The following ESRRG variants were observed in gnomAD, a reference collection of about 807,000 sequenced individuals.
ESRRG encodes the protein estrogen related receptor gamma.
In ESRRG, 13 loss-of-function variants were observed where a neutral mutation model predicts 44.0. The observed-to-expected ratio is 0.30, with a 90% CI of 0.19 to 0.47. ESRRG has a LOEUF of 0.47. Ranked by LOEUF, ESRRG falls within the 20% of genes least tolerant of loss-of-function variation. The probability of loss-of-function intolerance (pLI) is 1.00; values close to 1 mark genes in which losing one functional copy is unlikely to be tolerated. For missense variants in ESRRG, 395 were observed against 580.6 expected, an observed-to-expected ratio of 0.68 and a Z score of 3.29; for synonymous variants, 215 against 214.6, an observed-to-expected ratio of 1.00 and a Z score of -0.02.
In ESRRG at chr1:216,941,157, G is replaced by A. The variant is rs75956667; in HGVS notation, c.-105-1484C>T. Among the ~76,000 whole-genome samples, 913 of 152,236 alleles carry A rather than the reference G, an allele frequency of 6.0e-3. 13 individuals carry two copies. The highest frequency in any genetic ancestry group is 0.021 in the African/African-American group (861 of 41,548). ...TCTAGGATTGTGAAGATAAGAGCCTGTTAAAAAGCTGTAATTTATATAAGT... is the reference window on the plus strand; with the variant it reads ...TCTAGGATTGTGAAGATAAGAGCCTATTAAAAAGCTGTAATTTATATAAGT... On this transcript the variant is annotated intron_variant, in intron 1 of 7. Transcript: ENST00000359162.
At chr1:216,684,957 T>G (rs2151624347) in intron 1 of ESRRG, among the ~76,000 whole-genome samples, 1 of 152,282 alleles carries the variant, frequency 6.6e-6, no homozygotes, top group African/African-American at 2.4e-5. Flanking sequence ...CGCCAATGGA[T>G]CCGAAGAGAG....
chr1:216,966,063 A>G (rs932867307), intron 1 of ESRRG, among the ~76,000 whole-genome samples: 1 of 152,212 alleles, frequency 6.6e-6, no homozygotes, highest in South Asian at 2.1e-4. Context: ...AAAAAGGATC[A>G]TGAAGGTACA....
chr1:216,662,085 C>A (rs2072605465), intron 2 of ESRRG, among the ~76,000 whole-genome samples: 1 of 152,088 alleles, frequency 6.6e-6, no homozygotes, highest in Non-Finnish European at 1.5e-5. Context: ...AGATGCTTAG[C>A]AGAGTTCCTG....
intron 1 of ESRRG, among the ~76,000 whole-genome samples, chr1:217,107,461 G>A (rs1205833065): frequency 6.6e-6 from 1 of 152,194 alleles, no homozygotes; most frequent in African/African-American, 2.4e-5. Flanking sequence ...TTTTTACTTG[G>A]AAGCTAAAAC....
intron 2 of ESRRG, among the ~76,000 whole-genome samples, chr1:216,668,864 T>TA (rs1202805697): frequency 6.6e-6 from 1 of 152,080 alleles, no homozygotes; most frequent in Non-Finnish European, 1.5e-5. Context: ...AATAATAGAC[T>TA]AAAAAAAGTC....
At chr1:216,709,335 G>A (rs569499425) in intron 1 of ESRRG, among the ~76,000 whole-genome samples, 106 of 72,018 alleles carry the variant, frequency 1.5e-3, no homozygotes, top group African/African-American at 5.4e-3. Context: ...GTGTATGTGT[G>A]TGTGTGTGTA....
At chr1:217,137,327 G>A (rs2093063091) in intron 1 of ESRRG, among the ~76,000 whole-genome samples, 1 of 152,214 alleles carries the variant, frequency 6.6e-6, no homozygotes, top group Admixed American at 6.5e-5. Flanking sequence ...AAACGCAAAA[G>A]TTACTCTGTC....
intron 1 of ESRRG, among the ~76,000 whole-genome samples, chr1:217,042,737 A>T (rs530487429): frequency 3.4e-5 from 5 of 148,858 alleles, no homozygotes; most frequent in South Asian, 2.1e-4. Flanking sequence ...TGTTCACTTT[A>T]AAAAAAAAAA....
At chr1:216,595,930 G>C (rs922099157) in intron 3 of ESRRG, among the ~76,000 whole-genome samples, 1 of 152,156 alleles carries the variant, frequency 6.6e-6, no homozygotes, top group African/African-American at 2.4e-5. Context: ...GAAAAGACAA[G>C]GGTTTATTGC....
chr1:216,805,606 T>C (rs955447212), intron 2 of ESRRG, among the ~76,000 whole-genome samples: 1 of 152,100 alleles, frequency 6.6e-6, no homozygotes, highest in African/African-American at 2.4e-5. Context: ...AAATTGGTGG[T>C]CTTGAGAATA....
intron 2 of ESRRG, among the ~76,000 whole-genome samples, chr1:216,754,096 C>G (rs1420207665): frequency 6.6e-6 from 1 of 151,922 alleles, no homozygotes; most frequent in African/African-American, 2.4e-5. Flanking sequence ...TAAGAGCTTT[C>G]AAAAGTAACT....
chr1:217,031,382 G>A (rs908108689), intron 1 of ESRRG, among the ~76,000 whole-genome samples: 1 of 152,156 alleles, frequency 6.6e-6, no homozygotes, highest in East Asian at 1.9e-4. Context: ...GAGAGAATAA[G>A]AGGAGAATCG....
upstream of ESRRG, among the ~76,000 whole-genome samples, chr1:217,093,885 T>C (rs145387151): frequency 6.6e-6 from 1 of 151,772 alleles, no homozygotes; most frequent in Non-Finnish European, 1.5e-5. Flanking sequence ...TTATTAATAA[T>C]AAAATATTAT....
intron 3 of ESRRG, among the ~76,000 whole-genome samples, chr1:216,572,872 C>T (rs913940554): frequency 1.3e-5 from 2 of 151,886 alleles, no homozygotes; most frequent in South Asian, 4.1e-4. Context: ...ATCACCATTC[C>T]CTGGACATAG....
chr1:217,098,042 T>G (rs1476545557), intron 1 of ESRRG, among the ~76,000 whole-genome samples: 1 of 152,196 alleles, frequency 6.6e-6, no homozygotes, highest in Non-Finnish European at 1.5e-5. Flanking sequence ...CTAGTGTGCT[T>G]CAAAGTTTGA....
intron 5 of ESRRG, among the ~76,000 whole-genome samples, chr1:216,538,074 T>C (rs926810668): frequency 2.0e-5 from 3 of 152,068 alleles, no homozygotes; most frequent in Non-Finnish European, 4.4e-5. Context: ...AGTATTTCTT[T>C]AATAACCTCA....
chr1:216,767,405 C>T lies in ESRRG; in HGVS notation c.-13-89914G>A, dbSNP rs150783140. ...CTCAAATGCCATCTAGATATGTTAA[C>T]TGCAATCTAATCACCTGCAATGTTT... On this transcript the variant is annotated intron_variant, in intron 2 of 7. Coordinates refer to the ESRRG transcript ENST00000359162. Among the ~76,000 whole-genome samples the T allele has an allele frequency of 4.8e-3, 728 of 152,182 alleles. 5 individuals are homozygous for T. Among genetic ancestry groups the T allele is most frequent in the South Asian group, 0.023 (109 of 4,826 alleles).
chr1:217,031,239 G>A (rs1335047497), intron 1 of ESRRG, among the ~76,000 whole-genome samples: 1 of 152,166 alleles, frequency 6.6e-6, no homozygotes, highest in African/African-American at 2.4e-5. Context: ...GCCAACCACT[G>A]CTCACACCTC....
At chr1:217,038,200 C>G (rs2151096504) in intron 1 of ESRRG, among the ~76,000 whole-genome samples, 2 of 152,318 alleles carry the variant, frequency 1.3e-5, no homozygotes, top group Middle Eastern at 3.4e-3. Flanking sequence ...GCCTCCAATC[C>G]CACATTTTCC....
Sources: gnomAD v4.1 joint callset for allele counts (sites outside exome capture counted in the v4.1 genomes callset) on GRCh38, gnomAD v4.1.1 for gene constraint, MANE v1.5 for transcripts, NCBI Gene and HGNC (gene_info 2026-07-23, HGNC 2026-07-21) for gene names.